The following DACH1 variants were observed in gnomAD, a reference collection of about 807,000 sequenced individuals.
The protein encoded by DACH1 is dachshund homolog 1.
In DACH1, 12 loss-of-function variants were observed where a neutral mutation model predicts 54.2. That is an observed-to-expected ratio of 0.22 (90% CI 0.14 to 0.36). The LOEUF is 0.36. Ranked by LOEUF, DACH1 falls within the 10% of genes least tolerant of loss-of-function variation. The probability of loss-of-function intolerance (pLI) is 1.00; values close to 1 mark genes in which losing one functional copy is unlikely to be tolerated. For missense variants in DACH1, 805 were observed against 929.8 expected, an observed-to-expected ratio of 0.87 and a Z score of 1.75; for synonymous variants, 386 against 366.2, an observed-to-expected ratio of 1.05 and a Z score of -0.62.
At chr13:71,585,514 C>G (rs189110078) in intron 3 of DACH1, among the ~76,000 whole-genome samples, 4 of 152,098 alleles carry the variant, frequency 2.6e-5, no homozygotes, top group Non-Finnish European at 5.9e-5. Flanking sequence ...GTCCTCTCCA[C>G]GGCACAACAG....
At chr13:71,573,500 G>T (rs1268117924) in intron 3 of DACH1, 2 of 708,482 alleles carry the variant, frequency 2.8e-6, no homozygotes, top group Admixed American at 4.1e-5. Context: ...TGCGGGGGTG[G>T]GTTATAGAGG....
intron 2 of DACH1, among the ~76,000 whole-genome samples, chr13:71,651,884 GATTAT>G (rs1188935598): frequency 1.3e-5 from 2 of 152,100 alleles, no homozygotes; most frequent in African/African-American, 4.8e-5. Flanking sequence ...TGTTCAGAAA[GATTAT>G]ATCTATAATG....
At chr13:71,800,321 C>T (rs149837565) in intron 1 of DACH1, among the ~76,000 whole-genome samples, 60 of 152,046 alleles carry the variant, frequency 3.9e-4, no homozygotes, top group Non-Finnish European at 6.9e-4. Flanking sequence ...ATCTAATAGC[C>T]GGAGCACTAA....
chr13:71,704,542 A>T (rs549973624), intron 1 of DACH1: 74 of 431,870 alleles, frequency 1.7e-4, no homozygotes, highest in African/African-American at 1.5e-3. Context: ...AGAGAAACAT[A>T]CCTGGGTGCA....
At chr13:71,585,405 A>G (rs911160384) in intron 3 of DACH1, among the ~76,000 whole-genome samples, 2 of 152,202 alleles carry the variant, frequency 1.3e-5, no homozygotes, top group Admixed American at 6.5e-5. Flanking sequence ...CAGCAAAGGA[A>G]GCTGAGGTTC....
intron 2 of DACH1, among the ~76,000 whole-genome samples, chr13:71,667,127 A>G (rs1385190410): frequency 6.6e-6 from 1 of 152,180 alleles, no homozygotes; most frequent in Non-Finnish European, 1.5e-5. Flanking sequence ...AGAAACTGAG[A>G]AAAAAACAGC....
At chr13:71,451,633 T>G (rs907807815) in intron 10 of DACH1, among the ~76,000 whole-genome samples, 1 of 152,024 alleles carries the variant, frequency 6.6e-6, no homozygotes, top group African/African-American at 2.4e-5. Context: ...AAGGACTGTA[T>G]TTTTCAAAAA....
rs562414237 is a variant in DACH1 at position 71,854,932 on chromosome 13, A to T, written c.848+10990T>A. Among the ~76,000 whole-genome samples, 243 of 152,204 alleles carry T rather than the reference A, an allele frequency of 1.6e-3. 2 individuals carry two copies. Among genetic ancestry groups the T allele is most frequent in the Non-Finnish European group, 9.9e-4 (67 of 67,928 alleles). On this transcript the variant is annotated intron_variant, in intron 1 of 10. Coordinates refer to ENST00000613252, the MANE Select transcript of DACH1 (RefSeq NM_080759.6). ...TAAGGCCAAGGCAGAAAAATTGTTA[A>T]TTTACAGTGAAAATAAGTGTTTGTG...
intron 3 of DACH1, among the ~76,000 whole-genome samples, chr13:71,618,139 A>G (rs1875922103): frequency 6.6e-6 from 1 of 152,144 alleles, no homozygotes; most frequent in Non-Finnish European, 1.5e-5. Flanking sequence ...CACAAAATAT[A>G]AAGATATACC....
At chr13:71,581,782 C>T (rs553039275) in intron 3 of DACH1, among the ~76,000 whole-genome samples, 1 of 152,002 alleles carries the variant, frequency 6.6e-6, no homozygotes, top group South Asian at 2.1e-4. Flanking sequence ...ATATCATGTA[C>T]TTAAAATGTG....
intron 1 of DACH1, among the ~76,000 whole-genome samples, chr13:71,827,007 C>T (rs915677269): frequency 3.3e-5 from 5 of 152,056 alleles, no homozygotes; most frequent in East Asian, 3.9e-4. Flanking sequence ...GGATTAAGAA[C>T]ATCCAGGAGA....
rs149264636 is a variant in DACH1, at chr13:71,608,823, A to G, written c.1126+21733T>C. Among the ~76,000 whole-genome samples the G allele has an allele frequency of 7.6e-3, 1,157 of 152,190 alleles. 9 individuals carry two copies. Among genetic ancestry groups the G allele is most frequent in the African/African-American group, 0.026 (1,095 of 41,548 alleles). ...AATAGGAGAATAGGAGCTTTTGCAA[A>G]CTTTACATGCACTGGCCATAACGAA... On this transcript the variant is annotated intron_variant, in intron 3 of 10. Transcript: ENST00000613252.
chr13:71,681,381 T>C (rs1057172361), intron 2 of DACH1, among the ~76,000 whole-genome samples: 8 of 152,238 alleles, frequency 5.3e-5, no homozygotes, highest in Non-Finnish European at 7.3e-5. Context: ...GTCTTTTGTT[T>C]GGATGCATGT....
chr13:71,702,456 A>G (rs1405353703), intron 1 of DACH1, among the ~76,000 whole-genome samples: 1 of 152,170 alleles, frequency 6.6e-6, no homozygotes, highest in Non-Finnish European at 1.5e-5. Context: ...TTTGCATCCT[A>G]TATACTTACA....
At chr13:71,681,957 C>T (rs776514580) in intron 1 of DACH1, 47 bp from the exon 2 acceptor site, 1 of 1,177,380 alleles carries the variant, frequency 8.5e-7, no homozygotes, top group Non-Finnish European at 1.2e-6. Context: ...TATTGTCTTA[C>T]ACATCATTTC....
chr13:71,794,586 T>A (rs1324767318), intron 1 of DACH1, among the ~76,000 whole-genome samples: 3 of 152,078 alleles, frequency 2.0e-5, no homozygotes, highest in Non-Finnish European at 4.4e-5. Flanking sequence ...TACAGGTGCG[T>A]GCCACCATGC....
chr13:71,816,667 TATATACACACATATATATATACAC>T (rs1566519548), intron 1 of DACH1, among the ~76,000 whole-genome samples: 5 of 104,056 alleles, frequency 4.8e-5, no homozygotes, highest in African/African-American at 1.7e-4. Flanking sequence ...CACGTGTATA[TATATACACACATATATATATACAC>T]ATATATATAT....
chr13:71,596,478 A>G (rs1237276085), intron 3 of DACH1, among the ~76,000 whole-genome samples: 1 of 152,202 alleles, frequency 6.6e-6, no homozygotes, highest in Non-Finnish European at 1.5e-5. Context: ...GTTCATATTT[A>G]TGGTTTAATA....
At chr13:71,464,406 C>G (rs955986815) in intron 10 of DACH1, among the ~76,000 whole-genome samples, 1 of 151,796 alleles carries the variant, frequency 6.6e-6, no homozygotes, top group East Asian at 1.9e-4. Flanking sequence ...TGTTGTAAGA[C>G]TAAAGAGATT....
Sources: allele counts gnomAD v4.1 joint callset (sites outside exome capture counted in the v4.1 genomes callset), GRCh38; gene constraint gnomAD v4.1.1; transcripts MANE v1.5; gene names NCBI Gene and HGNC (gene_info 2026-07-23, HGNC 2026-07-21).